NHSL1: variants seen among roughly 807,000 people sequenced by gnomAD.
NHSL1 encodes NHS like 1.
A neutral mutation model predicts 95.0 loss-of-function variants in NHSL1; 48 were observed. That is an observed-to-expected ratio of 0.51 (90% CI 0.40 to 0.64). The LOEUF is 0.64. Ranked by LOEUF, NHSL1 falls within the 30% of genes least tolerant of loss-of-function variation. NHSL1 has a pLI of 0.00. For synonymous variants in NHSL1, 783 were observed against 833.9 expected (o/e 0.94, Z 1.05); for missense variants, 1,971 against 2,077.7 (o/e 0.95, Z 1.00).
Position 138,499,230 on chromosome 6 carries a change from T to C in NHSL1, c.58+3A>G. 1 of 1,536,578 alleles carries C rather than the reference T, an allele frequency of 6.5e-7. No individual in the cohort carries two copies. Among genetic ancestry groups the C allele is most frequent in the South Asian group, 1.2e-5 (1 of 83,712 alleles). Reference sequence around the variant, plus strand: ...GGTAGTAGAGAGAAAAGGAACTACTTACTTTTCTTCTTAAAAAGTTTAATT... The same window carrying C: ...GGTAGTAGAGAGAAAAGGAACTACTCACTTTTCTTCTTAAAAAGTTTAATT... On this transcript the variant is annotated splice_donor_region_variant and intron_variant, in intron 1 of 7. Coordinates refer to ENST00000343505, the MANE Select transcript of NHSL1 (RefSeq NM_001144060.2).
intron 1 of NHSL1, among the ~76,000 whole-genome samples, chr6:138,571,153 G>GA (rs927336331): frequency 1.7e-4 from 26 of 149,106 alleles, no homozygotes; most frequent in East Asian, 3.9e-4. Flanking sequence ...AAAGGAGAAA[G>GA]AAAAAAAAAA....
chr6:138,555,946 T>A (rs753654195), intron 1 of NHSL1, among the ~76,000 whole-genome samples: 25 of 151,914 alleles, frequency 1.6e-4, no homozygotes, highest in Non-Finnish European at 2.9e-4. Flanking sequence ...TTCTGCATCC[T>A]CCCTTCTTAG....
chr6:138,511,768 T>C (rs1376785241), intron 1 of NHSL1, among the ~76,000 whole-genome samples: 2 of 152,110 alleles, frequency 1.3e-5, no homozygotes, highest in African/African-American at 4.8e-5. Context: ...AAAACCCGTC[T>C]CTACAAAAAA....
chr6:138,652,464 G>A (rs1046079720), intron 1 of NHSL1, among the ~76,000 whole-genome samples: 1 of 151,248 alleles, frequency 6.6e-6, no homozygotes, highest in Admixed American at 6.6e-5. Context: ...AAAAATTAAG[G>A]TATGGCTATA....
At chr6:138,584,776 G>A (rs531560849) in intron 1 of NHSL1, among the ~76,000 whole-genome samples, 6 of 152,246 alleles carry the variant, frequency 3.9e-5, no homozygotes, top group African/African-American at 9.6e-5. Flanking sequence ...TAAACACCAC[G>A]CCCTTTCCAC....
chr6:138,498,054 A>T (rs1270205774), intron 1 of NHSL1, among the ~76,000 whole-genome samples: 2 of 152,162 alleles, frequency 1.3e-5, no homozygotes, highest in Admixed American at 1.3e-4. Flanking sequence ...TAATACACAA[A>T]ATCCACAAAG....
At chr6:138,597,853 G>GA (rs1459175952) in intron 1 of NHSL1, among the ~76,000 whole-genome samples, 2 of 151,878 alleles carry the variant, frequency 1.3e-5, no homozygotes, top group East Asian at 1.9e-4. Flanking sequence ...TTTCAGGGTA[G>GA]AAAAAAGATA....
At chr6:138,554,487 CAATATATGTGT>C (rs1783123871) in intron 1 of NHSL1, among the ~76,000 whole-genome samples, 1 of 152,126 alleles carries the variant, frequency 6.6e-6, no homozygotes, top group African/African-American at 2.4e-5. Context: ...AGTTCTGCCA[CAATATATGTGT>C]TAATAAAACA....
chr6:138,464,232 C>T (rs1778194628), intron 3 of NHSL1: 1 of 822,424 alleles, frequency 1.2e-6, no homozygotes, highest in Non-Finnish European at 2.0e-6. Context: ...GCCAGCTTGG[C>T]CATCACGGCC....
chr6:138,449,000 C>T (rs374112186), intron 3 of NHSL1, among the ~76,000 whole-genome samples: 135 of 147,740 alleles, frequency 9.1e-4, no homozygotes, highest in African/African-American at 3.1e-3. Flanking sequence ...TGCAGTGAGC[C>T]GAGATCGCAC....
chr6:138,440,297 G>A (rs1776445766), intron 5 of NHSL1, among the ~76,000 whole-genome samples: 1 of 152,138 alleles, frequency 6.6e-6, no homozygotes, highest in Non-Finnish European at 1.5e-5. Context: ...ATGGAAAAAA[G>A]AGTCTGAAAG....
upstream of NHSL1, among the ~76,000 whole-genome samples, chr6:138,502,473 T>A (rs1235137309): frequency 1.3e-5 from 2 of 150,194 alleles, no homozygotes; most frequent in Non-Finnish European, 3.0e-5. Flanking sequence ...TATATGACAG[T>A]GGCGGAAAAA....
intron 3 of NHSL1, among the ~76,000 whole-genome samples, chr6:138,452,104 G>A (rs995467447): frequency 3.9e-5 from 6 of 152,154 alleles, no homozygotes; most frequent in African/African-American, 1.4e-4. Context: ...TCTGTCAGTT[G>A]GTCAATAATG....
chr6:138,548,291 C>G (rs188013337), upstream of NHSL1, among the ~76,000 whole-genome samples: 20 of 152,268 alleles, frequency 1.3e-4, no homozygotes, highest in Admixed American at 8.5e-4. Context: ...GCAGTTTAAG[C>G]CTTTTTAAAC....
chr6:138,557,969 G>A (rs1783255899), intron 1 of NHSL1, among the ~76,000 whole-genome samples: 1 of 152,150 alleles, frequency 6.6e-6, no homozygotes, highest in Non-Finnish European at 1.5e-5. Flanking sequence ...ATTTTCAATT[G>A]TTTTAGAATT....
At chr6:138,625,292 G>A (rs571118554) in intron 1 of NHSL1, among the ~76,000 whole-genome samples, 38 of 152,110 alleles carry the variant, frequency 2.5e-4, no homozygotes, top group African/African-American at 7.5e-4. Flanking sequence ...ACAGGTGTGC[G>A]CCACCACGCC....
intron 1 of NHSL1, among the ~76,000 whole-genome samples, chr6:138,511,349 C>T (rs542595378): frequency 3.4e-4 from 51 of 151,430 alleles, no homozygotes; most frequent in Non-Finnish European, 6.0e-4. Flanking sequence ...TTGTTTTTTA[C>T]TAAAGAAAAA....
chr6:138,433,995 A>G (rs1775897721), intron 5 of NHSL1, among the ~76,000 whole-genome samples: 1 of 152,152 alleles, frequency 6.6e-6, no homozygotes, highest in South Asian at 2.1e-4. Context: ...CTTTGAAATA[A>G]TCACCTTTCA....
intron 1 of NHSL1, among the ~76,000 whole-genome samples, chr6:138,663,195 G>C (rs748098699): frequency 1.3e-5 from 2 of 151,950 alleles, no homozygotes; most frequent in Non-Finnish European, 2.9e-5. Flanking sequence ...AAGATGTTAC[G>C]ACATTTACTT....
Sources: gnomAD v4.1 joint callset for allele counts (sites outside exome capture counted in the v4.1 genomes callset) on GRCh38, gnomAD v4.1.1 for gene constraint, MANE v1.5 for transcripts, NCBI Gene and HGNC (gene_info 2026-07-23, HGNC 2026-07-21) for gene names.